The following UBTF variants were observed in gnomAD, a reference collection of about 807,000 sequenced individuals.
UBTF encodes nucleolar transcription factor 1.
Under a neutral mutation model 112.3 loss-of-function variants are expected in UBTF, and 8 were observed. That is an observed-to-expected ratio of 0.07 (90% CI 0.04 to 0.13). The LOEUF (loss-of-function observed/expected upper bound fraction) is 0.13, where lower values mean the gene tolerates loss of function less well. Among genes scored for constraint, UBTF ranks in the 10% least tolerant of loss-of-function variants. The pLI is 1.00. For synonymous variants in UBTF, 417 were observed against 373.1 expected, an observed-to-expected ratio of 1.12 and a Z score of -1.36; for missense variants, 457 against 982.1, an observed-to-expected ratio of 0.47 and a Z score of 7.15.
At chr17:44,209,109 CAG>C in intron 17 of UBTF, 1 of 392,470 alleles carries the variant, frequency 2.5e-6, no homozygotes. Flanking sequence ...GTGGAGGTTG[CAG>C]TGAGCCGAGA....
intron 1 of UBTF, 164 bp from the exon 2 acceptor site, chr17:44,218,460 T>G: frequency 3.9e-6 from 2 of 510,638 alleles, no homozygotes; most frequent in Admixed American, 4.0e-5. Context: ...GCCCCTCCTC[T>G]TCCTCGTGAC....
chr17:44,219,805 A>G (rs1342088317), upstream of UBTF: 2 of 114,336 alleles, frequency 1.7e-5, no homozygotes, highest in Non-Finnish European at 3.8e-5. Context: ...GAGGAGGAGG[A>G]GCGGGAGGGG....
chr17:44,208,289 G>A (rs2056408574), intron 17 of UBTF, among the ~76,000 whole-genome samples: 1 of 151,778 alleles, frequency 6.6e-6, no homozygotes, highest in Admixed American at 6.6e-5. Context: ...TTTTTGTAGA[G>A]ACAGCAATCT....
At chr17:44,209,301 G>A (rs1367927788) in intron 17 of UBTF, 51 bp downstream of exon 17, 2 of 1,540,480 alleles carry the variant, frequency 1.3e-6, no homozygotes, top group South Asian at 2.5e-5. Flanking sequence ...GGATGGTGCT[G>A]GCTTAGTCTG....
chr17:44,216,436 G>T (rs990751605), intron 3 of UBTF, 93 bp downstream of exon 3: 2 of 1,457,846 alleles, frequency 1.4e-6, no homozygotes, highest in African/African-American at 2.8e-5. Context: ...TGCCTCTCCT[G>T]GTCTCTTTCC....
intron 17 of UBTF, chr17:44,208,780 C>T (rs1464960492): frequency 1.7e-5 from 4 of 242,014 alleles, no homozygotes; most frequent in South Asian, 1.0e-4. Flanking sequence ...GGAGAGGTCC[C>T]GTGGTCCCAG....
intron 17 of UBTF, 147 bp from the exon 18 acceptor site, chr17:44,208,058 CAG>C (rs1427699350): frequency 2.5e-6 from 2 of 806,946 alleles, no homozygotes; most frequent in African/African-American, 3.5e-5. Flanking sequence ...TGGGTCTCTG[CAG>C]AGAGCCCCTG....
At chr17:44,209,852 A>G (rs2144531195) in intron 15 of UBTF, 119 bp from the exon 16 acceptor site, 1 of 1,116,864 alleles carries the variant, frequency 9.0e-7, no homozygotes, top group African/African-American at 1.6e-5. Context: ...AGGAGGAGAA[A>G]CAGGTAGCTA....
At position 44,210,226 on chromosome 17, in the gene UBTF, C is replaced by G; in HGVS notation, c.1524G>C (p.Arg508=). 6.2e-7 allele frequency: 1 copy of G among 1,614,246 alleles called. No individual in the cohort carries two copies. Among genetic ancestry groups the G allele is most frequent in the Non-Finnish European group, 8.5e-7 (1 of 1,180,050 alleles). The change falls in exon 15 of 21, where the codon CGG becomes CGC. Residue 508 remains arginine (R), a synonymous_variant. Coordinates refer to ENST00000436088, the MANE Select transcript of UBTF (RefSeq NM_014233.4). The part of the protein sequence containing the change: ...GDYLARFKND[R]VKALKAMEMT... ...TTTCCATGGCTTTCAAGGCCTTCAC[C>G]CGGTCATTCTGGGGACCAATAAGGG...
chr17:44,219,983 C>G (rs2047093466), upstream of UBTF, among the ~76,000 whole-genome samples: 1 of 149,142 alleles, frequency 6.7e-6, no homozygotes, highest in East Asian at 2.0e-4. Context: ...CTGGGGGGAC[C>G]CGGGCGGCCG....
chr17:44,209,179 A>AT (rs972140937), intron 17 of UBTF, 173 bp downstream of exon 17: 51 of 687,240 alleles, frequency 7.4e-5, no homozygotes, highest in Middle Eastern at 4.3e-4. Context: ...AAAATAAAAA[A>AT]AAAAATAAAA....
Position 44,218,478 on chromosome 17 carries a change from C to A in UBTF, c.-67-182G>T, listed in dbSNP as rs954441250. 36 of 498,394 alleles carry A rather than the reference C, an allele frequency of 7.2e-5. No individual in the cohort carries two copies. The Admixed American group carries it at 1.5e-3, about 21-fold the overall frequency. 30.9% of individuals were successfully genotyped at this position (498,394 alleles called of 1,614,324 possible). On this transcript the variant is annotated intron_variant, in intron 1 of 20. Transcript: ENST00000436088. ...CCTCCTCTTCCTCGTGACCCCCTCC[C>A]CCAGCCCCTGCAGCCCGGCTCCGCG...
At chr17:44,208,880 CT>C in intron 17 of UBTF, 1 of 332,502 alleles carries the variant, frequency 3.0e-6, no homozygotes, top group Non-Finnish European at 5.9e-6. Flanking sequence ...CCTTGGTTTC[CT>C]TATTTTTAAA....
At chr17:44,210,532 G>A (rs2056591505) in intron 13 of UBTF, 59 bp from the exon 14 acceptor site, 22 of 1,494,190 alleles carry the variant, frequency 1.5e-5, no homozygotes, top group Admixed American at 2.6e-5. Flanking sequence ...CGCGCTCCCC[G>A]CGCAGCAGCC....
chr17:44,220,330 C>T (rs987661291), upstream of UBTF, among the ~76,000 whole-genome samples: 2 of 151,968 alleles, frequency 1.3e-5, no homozygotes, highest in African/African-American at 2.4e-5. Context: ...GTTCTCCCAG[C>T]TCAGACTAGG....
Position 44,210,327 on chromosome 17 carries a change from G to C in UBTF, c.1506C>G (p.Ala502=), listed in dbSNP as rs373251927. ...TTCCCACCCCTGTCACCTTGAAGCG[G>C]GCCAGGTAGTCGCCGATAACGCTCT... ...WQQSVIGDYL[A]RFKNDRVKAL... Residue 502 remains alanine, a synonymous_variant, in exon 14 of 21, where the codon GCC becomes GCG. Transcript: ENST00000436088. The C allele has an allele frequency of 1.1e-4, 184 of 1,614,130 alleles. No homozygotes were observed. The highest frequency in any genetic ancestry group is 1.5e-4 in the Non-Finnish European group (174 of 1,180,044).
chr17:44,213,353 G>A, intron 5 of UBTF, 71 bp from the exon 6 acceptor site: 1 of 1,508,824 alleles, frequency 6.6e-7, no homozygotes, highest in South Asian at 1.2e-5. Flanking sequence ...AGGCCACCCA[G>A]ACCCCTCCTC....
chr17:44,216,297 C>T, intron 3 of UBTF: 1 of 615,440 alleles, frequency 1.6e-6, no homozygotes, highest in South Asian at 1.9e-5. Context: ...TCAATCTCAG[C>T]ACAGCTCAGG....
rs190546015 is a variant in UBTF at position 44,211,415 on chromosome 17, C to T, written c.1048-84G>A. ...GTACTCGGAGGACAGTGACCTTCAGCGGGCCTCCAGAGCCTGGGTGTGGGC... is the reference window on the plus strand; with the variant it reads ...GTACTCGGAGGACAGTGACCTTCAGTGGGCCTCCAGAGCCTGGGTGTGGGC... On this transcript the variant is annotated intron_variant, in intron 10 of 20. Transcript: ENST00000436088. The surrounding 1 kb of genome is among the most constrained non-coding windows in gnomAD (Gnocchi z 4.9). 1.4e-4 allele frequency: 216 copies of T among 1,592,696 alleles called. No homozygotes were observed. Among genetic ancestry groups the T allele is most frequent in the Non-Finnish European group, 1.7e-4 (196 of 1,164,284 alleles).
Sources: gnomAD v4.1 joint callset for allele counts (sites outside exome capture counted in the v4.1 genomes callset) on GRCh38, gnomAD v4.1.1 for gene constraint, Gnocchi (gnomAD v3.1) non-coding constraint, MANE v1.5 for transcripts, NCBI Gene and HGNC (gene_info 2026-07-23, HGNC 2026-07-21) for gene names.